The following PCGF2 variants were observed in gnomAD, a reference collection of about 807,000 sequenced individuals.
PCGF2 encodes the protein polycomb group ring finger 2, also known as polycomb group RING finger protein 2.
In PCGF2, 8 loss-of-function variants were observed where a neutral mutation model predicts 36.1. That is an observed-to-expected ratio of 0.22 (90% CI 0.13 to 0.40). The LOEUF is 0.40. PCGF2 is among the 10% of genes least tolerant of loss of function. The pLI is 1.00. For missense variants in PCGF2, 436 were observed against 475.9 expected (o/e 0.92, Z 0.78); for synonymous variants, 198 against 191.2 (o/e 1.04, Z -0.29).
intron 2 of PCGF2, among the ~76,000 whole-genome samples, chr17:38,743,691 G>A (rs748921505): frequency 5.9e-5 from 9 of 152,092 alleles, no homozygotes; most frequent in African/African-American, 9.7e-5. Context: ...TCACCTGATT[G>A]CCATGGTTAC....
At chr17:38,748,759 C>T (rs1257442629), upstream of PCGF2, among the ~76,000 whole-genome samples, 1 of 152,176 alleles carries the variant, frequency 6.6e-6, no homozygotes, top group Non-Finnish European at 1.5e-5. Context: ...CCTCCACGCC[C>T]CGGCCTAGAC....
chr17:38,736,650 T>A (rs529065718), intron 9 of PCGF2, among the ~76,000 whole-genome samples: 4 of 151,424 alleles, frequency 2.6e-5, no homozygotes, highest in African/African-American at 7.3e-5. Flanking sequence ...CTGGCTAACG[T>A]GGTGAAACCC....
chr17:38,745,730 G>C (rs1312596823), intron 2 of PCGF2, among the ~76,000 whole-genome samples: 5 of 152,196 alleles, frequency 3.3e-5, no homozygotes. Flanking sequence ...CAGGTGGGAG[G>C]GGAAAAGAGC....
At chr17:38,738,129 C>T (rs1026970767) in intron 9 of PCGF2, among the ~76,000 whole-genome samples, 3 of 152,172 alleles carry the variant, frequency 2.0e-5, no homozygotes, top group African/African-American at 4.8e-5. Context: ...GCAACATGCA[C>T]ACATACACAC....
rs200403711 is a variant in PCGF2 at position 38,736,150 on chromosome 17, G to T, written c.597C>A (p.Asp199Glu). 3 of 1,574,132 alleles carry T rather than the reference G, an allele frequency of 1.9e-6. No homozygotes were observed. The highest frequency in any genetic ancestry group is 2.3e-5 in the East Asian group (1 of 42,736). The stretch of plus-strand genomic sequence containing the variant: ...GGGTGTAGTATTCCTTCAGTGGCTC[G>T]TCCTCGTACAGAACCTCCACCTGGG... ...SKYKVEVLYE[D>E]EPLKEYYTLM... Residue 199 changes from aspartate to glutamate, a missense_variant, in exon 10 of 11, where the codon GAC (aspartate) becomes GAA (glutamate). Asp to Glu is a conservative substitution (Grantham distance 45, BLOSUM62 2). Coordinates refer to ENST00000620225, the MANE Select transcript of PCGF2 (RefSeq NM_007144.3).
At chr17:38,737,397 A>T (rs1315892087) in intron 9 of PCGF2, among the ~76,000 whole-genome samples, 1 of 152,008 alleles carries the variant, frequency 6.6e-6, no homozygotes. Context: ...CAGGAGGTGG[A>T]GATTGCAGTG....
chr17:38,742,836 T>A (rs1040091919), intron 2 of PCGF2, among the ~76,000 whole-genome samples: 1 of 152,222 alleles, frequency 6.6e-6, no homozygotes, highest in Non-Finnish European at 1.5e-5. Flanking sequence ...TTCCTGTGAC[T>A]GCCTGTCAGT....
At chr17:38,743,384 C>T (rs1008460507) in intron 2 of PCGF2, among the ~76,000 whole-genome samples, 2 of 129,740 alleles carry the variant, frequency 1.5e-5, no homozygotes, top group Non-Finnish European at 1.7e-5. Flanking sequence ...AGCCACCACA[C>T]CCGGCTGACA....
rs1349814098 is a variant in PCGF2, at chr17:38,735,272, CT to C, written c.985del (p.Arg329GlyfsTer5). 2.7e-6 allele frequency: 4 copies of C among 1,472,166 alleles called. No homozygotes were observed. The highest frequency in any genetic ancestry group is 3.6e-6 in the Non-Finnish European group (4 of 1,101,038). 91.2% of individuals were successfully genotyped at this position (1,472,166 alleles called of 1,614,324 possible). A position where few individuals can be genotyped will look rare whatever the true frequency, so the allele number is the denominator to read the frequency against. On this transcript the variant is annotated frameshift_variant, in exon 11 of 11. Coordinates refer to ENST00000620225, the MANE Select transcript of PCGF2 (RefSeq NM_007144.3). LOFTEE classifies it high-confidence loss of function. ...GCCGTTGACAGTCATCTTGCGCCCC[CT>C]GCTGGTGGAGGATGGTGTCTGCAGG... Reference protein sequence around the residue: ...NCLQTPSSTSRGRKMTVNGAP... With the variant: ...NCLQTPSSTSXGRKMTVNGAP...
At chr17:38,743,094 C>CTTTT (rs71138648) in intron 2 of PCGF2, among the ~76,000 whole-genome samples, 29 of 138,738 alleles carry the variant, frequency 2.1e-4, no homozygotes, top group African/African-American at 7.3e-4. Context: ...GACACTTGCT[C>CTTTT]TTTTTTTTTT....
intron 2 of PCGF2, among the ~76,000 whole-genome samples, chr17:38,743,154 G>T (rs1450845042): frequency 4.0e-5 from 6 of 149,414 alleles, no homozygotes; most frequent in Non-Finnish European, 8.9e-5. Flanking sequence ...ACAGTGGTGC[G>T]ATCTCGGCTC....
Position 38,735,395 on chromosome 17 carries a change from C to G in PCGF2, c.863G>C (p.Ser288Thr), listed in dbSNP as rs761734103. The change falls in exon 11 of 11, where the codon AGT becomes ACT. Residue 288 changes from serine to threonine, a missense_variant. Physicochemically the swap from Ser to Thr is moderately conservative, Grantham distance 58. Coordinates refer to ENST00000620225, the MANE Select transcript of PCGF2 (RefSeq NM_007144.3). Reference protein sequence around the residue: ...SPATPSHGSPSSHGPPATHPT... With the variant: ...SPATPSHGSPTSHGPPATHPT... ...GTGGGTGGCTGGAGGCCCATGGGAA[C>G]TGGGAGAGCCATGGGATGGGGTGGC... 8.9e-6 allele frequency: 14 copies of G among 1,569,994 alleles called. No homozygotes were observed. The highest frequency in any genetic ancestry group is 1.2e-5 in the Non-Finnish European group (14 of 1,156,886).
rs572998727 is a variant in PCGF2, at chr17:38,742,237, G to C, written c.-40-1795C>G. On this transcript the variant is annotated intron_variant, in intron 2 of 10. Coordinates refer to ENST00000620225, the MANE Select transcript of PCGF2 (RefSeq NM_007144.3). The stretch of plus-strand genomic sequence containing the variant: ...CCCAGAGTAAAAGCCCAGGGGTGGG[G>C]CTTGGGAGGGTGGCCAAGCCCCAAC... 1.2e-4 allele frequency among the ~76,000 whole-genome samples: 19 copies of C among 152,320 alleles called. No homozygotes were observed. In the East Asian group the frequency reaches 2.7e-3, roughly 22 times the overall value.
Position 38,739,419 on chromosome 17 carries a change from C to T in PCGF2, c.210-166G>A, listed in dbSNP as rs139202185. 1.3e-5 allele frequency among the ~76,000 whole-genome samples: 2 copies of T among 152,204 alleles called. No individual in the cohort carries two copies. The highest frequency in any genetic ancestry group is 4.8e-5 in the African/African-American group (2 of 41,516). On this transcript the variant is annotated intron_variant, in intron 4 of 10. Coordinates refer to ENST00000620225, the MANE Select transcript of PCGF2 (RefSeq NM_007144.3). The surrounding 1 kb of genome is among the most constrained non-coding windows in gnomAD (Gnocchi z 4.0). ...GTCTTTGCCCCTCTAGTATGCCTCA[C>T]CCTGTGATGAGCCAAATGTAACCCC...
rs1907052214 is a variant in PCGF2, at chr17:38,739,779, T to G, written c.113-97A>C. ...GCTCAGACTCAGATATCCCTCCTCC[T>G]CCACCCTGTCCCTGCTCCGAGGCCC... On this transcript the variant is annotated intron_variant, in intron 3 of 10. Coordinates refer to ENST00000620225, the MANE Select transcript of PCGF2 (RefSeq NM_007144.3). The surrounding 1 kb of genome is among the most constrained non-coding windows in gnomAD (Gnocchi z 4.0). 6 of 867,066 alleles carry G rather than the reference T, an allele frequency of 6.9e-6. No homozygotes were observed. The East Asian group carries it at 1.5e-4, about 21-fold the overall frequency. The allele number at this position is 867,066 out of a possible 1,614,324, so 53.7% of individuals were successfully genotyped here. A position where few individuals can be genotyped will look rare whatever the true frequency, so the allele number is the denominator to read the frequency against.
chr17:38,746,373 C>G (rs1567637793), intron 2 of PCGF2: 1 of 152,450 alleles, frequency 6.6e-6, no homozygotes, highest in Admixed American at 6.6e-5. Flanking sequence ...GGCCCACCCT[C>G]GCTACATGCA....
chr17:38,740,230 C>T (rs1435054399), intron 3 of PCGF2, 61 bp downstream of exon 3: 16 of 1,463,412 alleles, frequency 1.1e-5, no homozygotes, highest in Admixed American at 1.7e-5. Context: ...TCAGGCCGTG[C>T]CCGCCCCAAT....
At chr17:38,735,732 G>A (rs1198327891) in intron 10 of PCGF2, 132 bp from the exon 11 acceptor site, 4 of 1,238,656 alleles carry the variant, frequency 3.2e-6, no homozygotes, top group African/African-American at 3.0e-5. Flanking sequence ...GCCTTGGAGA[G>A]GAGAGAGACA....
At position 38,735,439 on chromosome 17, in the gene PCGF2, G is replaced by T; in HGVS notation, c.819C>A (p.Ser273=). 6.3e-7 allele frequency: 1 copy of T among 1,584,068 alleles called. No homozygotes were observed. The highest frequency in any genetic ancestry group is 2.3e-5 in the East Asian group (1 of 43,286). ...APSPATLPAT[S]SSLPSPATPS... Reference sequence around the variant, plus strand: ...GGGTGGCTGGGCTGGGCAGGGAGGAGGAGGTGGCTGGCAGGGTGGCAGGGC... The same window carrying T: ...GGGTGGCTGGGCTGGGCAGGGAGGATGAGGTGGCTGGCAGGGTGGCAGGGC... The change falls in exon 11 of 11, where the codon TCC becomes TCA. Residue 273 remains serine, a synonymous_variant. Coordinates refer to ENST00000620225, the MANE Select transcript of PCGF2 (RefSeq NM_007144.3).
Sources: allele counts gnomAD v4.1 joint callset (sites outside exome capture counted in the v4.1 genomes callset), GRCh38; gene constraint gnomAD v4.1.1; non-coding constraint Gnocchi (gnomAD v3.1); transcripts MANE v1.5; gene names NCBI Gene and HGNC (gene_info 2026-07-23, HGNC 2026-07-21).